The following PDE4B variants were observed in gnomAD, a reference collection of about 807,000 sequenced individuals.
PDE4B encodes 3',5'-cyclic-AMP phosphodiesterase 4B.
PDE4B carries 20 observed loss-of-function variants against 82.2 expected under a neutral mutation model. The observed-to-expected ratio is 0.24, with a 90% confidence interval of 0.17 to 0.35. The LOEUF is 0.35. Among genes scored for constraint, PDE4B ranks in the 10% least tolerant of loss-of-function variants. The pLI is 1.00. For synonymous variants in PDE4B, 320 were observed against 318.9 expected (o/e 1.00, Z -0.04); for missense variants, 655 against 907.2 (o/e 0.72, Z 3.57).
At chr1:65,991,670 A>G (rs1651251845) in intron 3 of PDE4B, among the ~76,000 whole-genome samples, 1 of 152,184 alleles carries the variant, frequency 6.6e-6, no homozygotes, top group South Asian at 2.1e-4. Flanking sequence ...TCCAATATAT[A>G]TCTACATGTT....
chr1:65,985,786 A>T lies in PDE4B; in HGVS notation c.281+66951A>T, dbSNP rs140990107. The stretch of plus-strand genomic sequence containing the variant: ...ATTCTATGTAATCTGCCTTCTCAGA[A>T]TGTGCCTTGTGAAAGAAGCACCTAA... On this transcript the variant is annotated intron_variant, in intron 3 of 16. Coordinates refer to ENST00000341517, the MANE Select transcript of PDE4B (RefSeq NM_002600.4). Among the ~76,000 whole-genome samples the T allele has an allele frequency of 5.9e-5, 9 of 152,284 alleles. No individual in the cohort carries two copies. The East Asian group carries it at 1.5e-3, about 26-fold the overall frequency.
intron 3 of PDE4B, among the ~76,000 whole-genome samples, chr1:66,089,031 A>G (rs770854805): frequency 2.0e-5 from 3 of 152,110 alleles, no homozygotes; most frequent in African/African-American, 4.8e-5. Context: ...GCACTAAGCC[A>G]CTGAGATTGA....
chr1:66,130,897 G>T (rs1645927612), intron 3 of PDE4B, among the ~76,000 whole-genome samples: 1 of 152,134 alleles, frequency 6.6e-6, no homozygotes, highest in Non-Finnish European at 1.5e-5. Context: ...TAAAGATTCA[G>T]ATTCTATTTC....
chr1:66,186,494 A>G (rs1051792643), intron 3 of PDE4B, among the ~76,000 whole-genome samples: 4 of 152,014 alleles, frequency 2.6e-5, no homozygotes, highest in Non-Finnish European at 4.4e-5. Context: ...ATTTGTTTGT[A>G]TCATCTTTTA....
At chr1:66,090,271 C>T (rs952850298) in intron 3 of PDE4B, among the ~76,000 whole-genome samples, 8 of 151,796 alleles carry the variant, frequency 5.3e-5, no homozygotes, top group Admixed American at 3.9e-4. Flanking sequence ...TTATGATGGA[C>T]GAGCTATAAA....
At chr1:65,944,813 C>T (rs1457651908) in intron 3 of PDE4B, among the ~76,000 whole-genome samples, 1 of 151,758 alleles carries the variant, frequency 6.6e-6, no homozygotes, top group Non-Finnish European at 1.5e-5. Context: ...CCCATAGGCC[C>T]TATGAATCTA....
intron 3 of PDE4B, among the ~76,000 whole-genome samples, chr1:65,984,282 C>G (rs1650840387): frequency 6.6e-6 from 1 of 152,174 alleles, no homozygotes; most frequent in Admixed American, 6.5e-5. Flanking sequence ...AAAGACAAAT[C>G]AGTGATGGAG....
At chr1:66,054,227 A>G (rs1655186311) in intron 3 of PDE4B, among the ~76,000 whole-genome samples, 1 of 152,180 alleles carries the variant, frequency 6.6e-6, no homozygotes, top group South Asian at 2.1e-4. Context: ...ATATGTTTGG[A>G]TAGGTAATCA....
chr1:66,230,222 T>C (rs1651841714), intron 3 of PDE4B, among the ~76,000 whole-genome samples: 2 of 152,200 alleles, frequency 1.3e-5, no homozygotes, highest in African/African-American at 2.4e-5. Flanking sequence ...GATGGAGAGA[T>C]AGTCTTGGAG....
At chr1:66,220,065 T>C (rs1650846732) in intron 3 of PDE4B, among the ~76,000 whole-genome samples, 1 of 152,160 alleles carries the variant, frequency 6.6e-6, no homozygotes, top group Admixed American at 6.6e-5. Flanking sequence ...GAGGAAAATT[T>C]CCAAGAGCTG....
intron 3 of PDE4B, among the ~76,000 whole-genome samples, chr1:66,186,784 G>A (rs1237451566): frequency 1.3e-5 from 2 of 152,150 alleles, no homozygotes; most frequent in Non-Finnish European, 2.9e-5. Context: ...TGCAAACAGG[G>A]ACAATTTGAC....
Position 65,861,390 on chromosome 1 carries a change from C to A in PDE4B, c.-70-51855C>A, listed in dbSNP as rs140889820. On this transcript the variant is annotated intron_variant, in intron 1 of 16. Coordinates refer to ENST00000341517, the MANE Select transcript of PDE4B (RefSeq NM_002600.4). ...TGGTGTTATTTCTGAGGTCTCTTTT[C>A]TGTTCCACTGGTCTTTATATCTGTT... is the stretch of plus-strand genomic sequence containing the variant. Among the ~76,000 whole-genome samples, 548 of 152,242 alleles carry A rather than the reference C, an allele frequency of 3.6e-3. 3 individuals carry two copies. Among genetic ancestry groups the A allele is most frequent in the African/African-American group, 0.013 (524 of 41,540 alleles).
intron 1 of PDE4B, among the ~76,000 whole-genome samples, chr1:65,828,507 A>G (rs1557767638): frequency 6.6e-6 from 1 of 152,144 alleles, no homozygotes; most frequent in African/African-American, 2.4e-5. Context: ...TGGCCTCTGA[A>G]AGTGCTGGGA....
chr1:65,985,456 G>A (rs1650908495), intron 3 of PDE4B, among the ~76,000 whole-genome samples: 1 of 152,078 alleles, frequency 6.6e-6, no homozygotes, highest in South Asian at 2.1e-4. Context: ...CAAGACTACT[G>A]ACAAAGTAGG....
intron 1 of PDE4B, among the ~76,000 whole-genome samples, chr1:65,859,790 CA>C (rs1055624655): frequency 2.6e-5 from 4 of 152,158 alleles, no homozygotes; most frequent in African/African-American, 9.7e-5. Context: ...CATTATATAT[CA>C]CATTAAATTA....
chr1:66,179,264 A>G (rs942224738), intron 3 of PDE4B, among the ~76,000 whole-genome samples: 1 of 152,214 alleles, frequency 6.6e-6, no homozygotes, highest in Non-Finnish European at 1.5e-5. Context: ...ACCATCATAT[A>G]GTGAATGAGC....
chr1:66,198,587 T>A (rs1210111139), intron 3 of PDE4B, among the ~76,000 whole-genome samples: 2 of 151,990 alleles, frequency 1.3e-5, no homozygotes, highest in African/African-American at 4.8e-5. Flanking sequence ...CTCTCTGCAC[T>A]TCTCCTGTGT....
chr1:65,859,823 G>C (rs1646434040), intron 1 of PDE4B, among the ~76,000 whole-genome samples: 1 of 152,080 alleles, frequency 6.6e-6, no homozygotes, highest in Admixed American at 6.6e-5. Context: ...TTAATTGCTT[G>C]TTAAGAAATT....
chr1:65,852,187 T>A (rs1646339542), intron 1 of PDE4B, among the ~76,000 whole-genome samples: 1 of 152,014 alleles, frequency 6.6e-6, no homozygotes, highest in African/African-American at 2.4e-5. Flanking sequence ...TGGTTTAATT[T>A]GTCTGGTTAG....
Sources: allele counts gnomAD v4.1 joint callset (sites outside exome capture counted in the v4.1 genomes callset), GRCh38; gene constraint gnomAD v4.1.1; transcripts MANE v1.5; gene names NCBI Gene and HGNC (gene_info 2026-07-23, HGNC 2026-07-21).